PKHD1: variants seen among roughly 807,000 people sequenced by gnomAD.
PKHD1 encodes fibrocystin.
PKHD1 carries 291 observed loss-of-function variants against 412.0 expected under a neutral mutation model. That is an observed-to-expected ratio of 0.71 (90% CI 0.64 to 0.78). The LOEUF (loss-of-function observed/expected upper bound fraction) is 0.78. Ranked by LOEUF, PKHD1 falls within the 30% of genes least tolerant of loss-of-function variation. The pLI, the probability that PKHD1 is intolerant of heterozygous loss-of-function variation, is 0.00. For synonymous variants in PKHD1, 1,777 were observed against 1,821.5 expected, an observed-to-expected ratio of 0.98 and a Z score of 0.62; for missense variants, 4,825 against 4,950.7, an observed-to-expected ratio of 0.97 and a Z score of 0.76.
intron 52 of PKHD1, among the ~76,000 whole-genome samples, chr6:51,798,518 T>C (rs1794937893): frequency 1.3e-5 from 2 of 152,218 alleles, no homozygotes; most frequent in African/African-American, 4.8e-5. Context: ...GGCTTCCTTT[T>C]GTAGGTCACC....
chr6:51,779,129 G>A (rs1791559056), intron 53 of PKHD1, among the ~76,000 whole-genome samples: 2 of 152,082 alleles, frequency 1.3e-5, no homozygotes, highest in Admixed American at 1.3e-4. Context: ...CCACTGCAGT[G>A]TTATTTATTT....
chr6:51,890,856 G>A (rs892631326), intron 43 of PKHD1, among the ~76,000 whole-genome samples: 1 of 152,188 alleles, frequency 6.6e-6, no homozygotes, highest in African/African-American at 2.4e-5. Flanking sequence ...GAGATCAAGT[G>A]TTATTAAGGC....
At chr6:52,005,428 C>T (rs1213534263) in intron 35 of PKHD1, among the ~76,000 whole-genome samples, 1 of 152,220 alleles carries the variant, frequency 6.6e-6, no homozygotes, top group Admixed American at 6.5e-5. Context: ...CCCCTTCACA[C>T]ACACCATGCT....
At chr6:51,850,074 C>T (rs1771917065) in intron 49 of PKHD1, among the ~76,000 whole-genome samples, 2 of 151,900 alleles carry the variant, frequency 1.3e-5, no homozygotes, top group Non-Finnish European at 2.9e-5. Context: ...TTTTGTATAA[C>T]GTGTAAGGAA....
intron 53 of PKHD1, among the ~76,000 whole-genome samples, chr6:51,780,414 A>G (rs1286469152): frequency 6.6e-6 from 1 of 152,014 alleles, no homozygotes; most frequent in Non-Finnish European, 1.5e-5. Flanking sequence ...AAAGTAAAAA[A>G]GCAAGCCACA....
chr6:51,925,459 G>A (rs72913658), intron 37 of PKHD1, among the ~76,000 whole-genome samples: 15,461 of 136,192 alleles, frequency 0.11, 794 homozygotes, highest in East Asian at 0.17. Context: ...GTGTGTATGT[G>A]TGTGTGTGTG....
intron 60 of PKHD1, among the ~76,000 whole-genome samples, chr6:51,674,110 A>G (rs1257036909): frequency 6.6e-6 from 1 of 152,174 alleles, no homozygotes; most frequent in East Asian, 1.9e-4. Context: ...AAAATTAGGG[A>G]CTATCAGAGG....
intron 46 of PKHD1, among the ~76,000 whole-genome samples, chr6:51,877,260 A>G (rs1205695958): frequency 2.0e-4 from 14 of 71,726 alleles, no homozygotes; most frequent in African/African-American, 1.4e-4. Context: ...TGCACCAAGC[A>G]GACCTAATAG....
chr6:51,948,984 G>A (rs527619103), intron 36 of PKHD1, among the ~76,000 whole-genome samples: 3 of 152,236 alleles, frequency 2.0e-5, no homozygotes, highest in Non-Finnish European at 4.4e-5. Context: ...GAGTTAGGAT[G>A]TGAATGTCAG....
intron 52 of PKHD1, among the ~76,000 whole-genome samples, chr6:51,812,240 A>C (rs1265691850): frequency 2.0e-5 from 3 of 152,224 alleles, no homozygotes; most frequent in African/African-American, 7.2e-5. Flanking sequence ...AGTTGGTTCA[A>C]AATATAGATC....
chr6:52,006,143 C>A (rs1799012655), intron 35 of PKHD1, among the ~76,000 whole-genome samples: 1 of 151,570 alleles, frequency 6.6e-6, no homozygotes, highest in South Asian at 2.1e-4. Context: ...CACACTGCCT[C>A]ACGCCCTCCC....
chr6:51,823,549 G>C (rs1479078443), intron 52 of PKHD1, among the ~76,000 whole-genome samples: 1 of 152,004 alleles, frequency 6.6e-6, no homozygotes, highest in African/African-American at 2.4e-5. Flanking sequence ...GATCCCAAGA[G>C]TAGACCCTAA....
At chr6:51,960,638 C>A (rs1791883823) in intron 35 of PKHD1, among the ~76,000 whole-genome samples, 1 of 152,162 alleles carries the variant, frequency 6.6e-6, no homozygotes, top group Admixed American at 6.5e-5. Flanking sequence ...TGCCTTTCCC[C>A]CTGTGCCTGG....
intron 27 of PKHD1, among the ~76,000 whole-genome samples, chr6:52,039,209 A>T (rs1804426514): frequency 6.6e-6 from 1 of 152,218 alleles, no homozygotes; most frequent in Non-Finnish European, 1.5e-5. Context: ...CTACTGTGAA[A>T]AATAATAATA....
intron 60 of PKHD1, among the ~76,000 whole-genome samples, chr6:51,736,702 C>T (rs1440495052): frequency 6.6e-6 from 1 of 152,144 alleles, no homozygotes; most frequent in African/African-American, 2.4e-5. Context: ...CCTCTGCAAG[C>T]ACAGATATTG....
In PKHD1 at chr6:52,040,769, T is replaced by C. The variant is rs148808711; in HGVS notation, c.3097+2090A>G. 2.6e-5 allele frequency among the ~76,000 whole-genome samples: 4 copies of C among 152,290 alleles called. No homozygotes were observed. The East Asian group carries it at 7.7e-4, about 29-fold the overall frequency. On this transcript the variant is annotated intron_variant, in intron 27 of 66. Coordinates refer to ENST00000371117, the MANE Select transcript of PKHD1 (RefSeq NM_138694.4). ...TATCTCCCTTCTCTAAGGCCACTCA[T>C]GTCATTCCTCCAATGCCAATGACTA...
At chr6:52,039,590 A>G (rs1804509853) in intron 27 of PKHD1, among the ~76,000 whole-genome samples, 1 of 152,170 alleles carries the variant, frequency 6.6e-6, no homozygotes, top group African/African-American at 2.4e-5. Context: ...TTCCGGTCTC[A>G]GGTAGTTCTT....
At chr6:51,926,326 G>T (rs540756798) in intron 37 of PKHD1, among the ~76,000 whole-genome samples, 1 of 152,258 alleles carries the variant, frequency 6.6e-6, no homozygotes, top group East Asian at 1.9e-4. Flanking sequence ...CTTCATTGGA[G>T]CACCTGGACT....
chr6:51,867,299 TGACTTAATGGTA>T (rs1461341549), intron 48 of PKHD1, among the ~76,000 whole-genome samples: 1 of 152,204 alleles, frequency 6.6e-6, no homozygotes. Flanking sequence ...GCCCCGCTGC[TGACTTAATGGTA>T]GTTTGAGTAG....
Sources: allele counts gnomAD v4.1 joint callset (sites outside exome capture counted in the v4.1 genomes callset), GRCh38; gene constraint gnomAD v4.1.1; transcripts MANE v1.5; gene names NCBI Gene and HGNC (gene_info 2026-07-23, HGNC 2026-07-21).